The following TDRD3 variants were observed in gnomAD, a reference collection of about 807,000 sequenced individuals.
TDRD3 encodes tudor domain-containing protein 3.
In TDRD3, 45 loss-of-function variants were observed where a neutral mutation model predicts 86.7. The ratio of observed to expected loss-of-function variants is 0.52; its 90% CI spans 0.41 to 0.67. TDRD3 has a LOEUF of 0.67. Among genes scored for constraint, TDRD3 ranks in the 30% least tolerant of loss-of-function variants. The pLI is 0.00. For synonymous variants in TDRD3, 298 were observed against 301.7 expected (o/e 0.99, Z 0.13); for missense variants, 814 against 889.0 (o/e 0.92, Z 1.07).
At chr13:60,491,114 C>CA (rs35355225) in intron 7 of TDRD3, among the ~76,000 whole-genome samples, 19,917 of 75,378 alleles carry the variant, frequency 0.26, 1,795 homozygotes, top group Non-Finnish European at 0.29. Flanking sequence ...AACTCCATCT[C>CA]AAAAAAAAAA....
intron 5 of TDRD3, among the ~76,000 whole-genome samples, chr13:60,478,813 T>C (rs901833082): frequency 7.5e-5 from 11 of 147,114 alleles, no homozygotes; most frequent in Non-Finnish European, 1.2e-4. Context: ...TTTTTTTTTT[T>C]TTTTTTTTGA....
At chr13:60,428,275 C>G (rs1954860766) in intron 1 of TDRD3, among the ~76,000 whole-genome samples, 1 of 151,106 alleles carries the variant, frequency 6.6e-6, no homozygotes, top group Admixed American at 6.6e-5. Context: ...TTAATTACTT[C>G]TGTAAAGACT....
intron 3 of TDRD3, among the ~76,000 whole-genome samples, chr13:60,459,394 C>T (rs1955753221): frequency 6.6e-6 from 1 of 152,172 alleles, no homozygotes; most frequent in East Asian, 1.9e-4. Context: ...CAACTTTGCT[C>T]TAAGTATATT....
intron 11 of TDRD3, among the ~76,000 whole-genome samples, chr13:60,534,058 C>G (rs1957644447): frequency 6.6e-6 from 1 of 152,168 alleles, no homozygotes; most frequent in African/African-American, 2.4e-5. Context: ...TGCTTGTAAT[C>G]CCAACACTTT....
At chr13:60,403,855 AAT>A (rs953327746) in intron 1 of TDRD3, among the ~76,000 whole-genome samples, 3 of 152,196 alleles carry the variant, frequency 2.0e-5, no homozygotes, top group African/African-American at 7.2e-5. Context: ...CTTGAATTAT[AAT>A]ATCTTTACAA....
intron 5 of TDRD3, among the ~76,000 whole-genome samples, chr13:60,478,143 T>C (rs1956228266): frequency 6.6e-6 from 1 of 152,128 alleles, no homozygotes; most frequent in South Asian, 2.1e-4. Flanking sequence ...TTCCTCTAGA[T>C]TTTCTAGTCT....
At chr13:60,470,780 A>G (rs867100992) in intron 5 of TDRD3, among the ~76,000 whole-genome samples, 2 of 152,086 alleles carry the variant, frequency 1.3e-5, no homozygotes, top group South Asian at 2.1e-4. Context: ...ACGGGGTTTC[A>G]CTATGTTGGC....
chr13:60,488,143 C>T (rs1018993189), intron 7 of TDRD3, among the ~76,000 whole-genome samples: 5 of 152,032 alleles, frequency 3.3e-5, no homozygotes, highest in African/African-American at 9.7e-5. Context: ...AGAGATGGGT[C>T]GTCAGTCTCA....
At chr13:60,463,639 T>C (rs1594965090) in intron 4 of TDRD3, among the ~76,000 whole-genome samples, 1 of 151,954 alleles carries the variant, frequency 6.6e-6, no homozygotes, top group South Asian at 2.1e-4. Flanking sequence ...ATCCAGAATA[T>C]ATAAGGAGCT....
rs1956420696 is a variant in TDRD3 at position 60,485,807 on chromosome 13, A to G, written c.576A>G (p.Val192=). 1 of 1,598,512 alleles carries G rather than the reference A, an allele frequency of 6.3e-7. No individual in the cohort carries two copies. Among genetic ancestry groups the G allele is most frequent in the South Asian group, 1.1e-5 (1 of 87,836 alleles). ...PPFVPFGQKC[V]SHVQVDSREL... is the part of the protein sequence containing the mutation. ...CTTACTTGTTTTACTAGAAGTGTGTATCTCATGTCCAAGTGGATAGCAGAG... is the reference window on the plus strand; with the variant it reads ...CTTACTTGTTTTACTAGAAGTGTGTGTCTCATGTCCAAGTGGATAGCAGAG... Residue 192 remains valine (V), a synonymous_variant, in exon 7 of 14, where the codon GTA becomes GTG. Coordinates refer to ENST00000377881, the MANE Select transcript of TDRD3 (RefSeq NM_001146070.2).
intron 12 of TDRD3, among the ~76,000 whole-genome samples, chr13:60,560,915 T>G (rs144501318): frequency 4.5e-4 from 69 of 152,334 alleles, no homozygotes; most frequent in African/African-American, 7.9e-4. Flanking sequence ...TTGGATCTGA[T>G]TTTTCTTTTG....
At chr13:60,454,114 AT>A (rs1955609622) in intron 3 of TDRD3, among the ~76,000 whole-genome samples, 1 of 151,458 alleles carries the variant, frequency 6.6e-6, no homozygotes, top group South Asian at 2.1e-4. Flanking sequence ...TTCTTTCCCT[AT>A]TTTGATTACA....
At chr13:60,410,738 A>G (rs892305977) in intron 1 of TDRD3, among the ~76,000 whole-genome samples, 1 of 152,186 alleles carries the variant, frequency 6.6e-6, no homozygotes, top group African/African-American at 2.4e-5. Context: ...CTCAGGCTAC[A>G]TGAGAATCTT....
At chr13:60,529,294 C>T (rs770391800) in intron 11 of TDRD3, 77 bp downstream of exon 11, 1 of 1,453,836 alleles carries the variant, frequency 6.9e-7, no homozygotes, top group Non-Finnish European at 9.1e-7. Context: ...GAAGCTGTCA[C>T]TTTGGAACTA....
chr13:60,548,397 CT>C (rs1205439084), intron 12 of TDRD3, among the ~76,000 whole-genome samples: 3 of 152,110 alleles, frequency 2.0e-5, no homozygotes, highest in Non-Finnish European at 4.4e-5. Context: ...TGTCACTGTA[CT>C]TGTTCCAGTC....
chr13:60,456,519 C>T lies in TDRD3; in HGVS notation c.193-3861C>T, dbSNP rs544084701. Among the ~76,000 whole-genome samples the T allele has an allele frequency of 4.9e-4, 75 of 152,124 alleles. 1 individual carries two copies. Among genetic ancestry groups the T allele is most frequent in the African/African-American group, 1.8e-3 (73 of 41,508 alleles). On this transcript the variant is annotated intron_variant, in intron 3 of 13. Coordinates refer to ENST00000377881, the MANE Select transcript of TDRD3 (RefSeq NM_001146070.2). ...TTAGAGTAATTTCTTTTGATTTTTT[C>T]TTATTACTAATACAAAAGAGAAAAT...
chr13:60,434,652 T>C (rs1955045271), intron 1 of TDRD3, among the ~76,000 whole-genome samples: 1 of 151,968 alleles, frequency 6.6e-6, no homozygotes, highest in Admixed American at 6.6e-5. Flanking sequence ...TAGTAATAAG[T>C]GGTTTTATAA....
intron 4 of TDRD3, among the ~76,000 whole-genome samples, chr13:60,463,362 C>CAAA (rs57195209): frequency 4.1e-4 from 33 of 81,472 alleles, no homozygotes; most frequent in South Asian, 1.2e-3. Context: ...AATTCTGGCT[C>CAAA]AAAAAAAAAA....
intron 1 of TDRD3, among the ~76,000 whole-genome samples, chr13:60,405,207 G>T (rs1250294997): frequency 1.3e-5 from 2 of 152,276 alleles, no homozygotes; most frequent in East Asian, 1.9e-4. Flanking sequence ...GACCTCAAGT[G>T]ATCTACCTGT....
Sources: gnomAD v4.1 joint callset for allele counts (sites outside exome capture counted in the v4.1 genomes callset) on GRCh38, gnomAD v4.1.1 for gene constraint, MANE v1.5 for transcripts, NCBI Gene and HGNC (gene_info 2026-07-23, HGNC 2026-07-21) for gene names.